Variants in CHD7 observed in about 807,000 individuals in gnomAD.
CHD7 encodes the protein ATP-dependent chromatin remodeler CHD7.
A neutral mutation model predicts 307.3 loss-of-function variants in CHD7; 24 were observed. That is an observed-to-expected ratio of 0.08 (90% confidence interval 0.06 to 0.11). The LOEUF is 0.11. Among genes scored for constraint, CHD7 ranks in the 10% least tolerant of loss-of-function variants. CHD7 has a pLI of 1.00. For synonymous variants in CHD7, 1,363 were observed against 1,349.9 expected (o/e 1.01, Z -0.21); for missense variants, 3,106 against 3,727.1 (o/e 0.83, Z 4.34).
At chr8:60,854,339 A>G in intron 31 of CHD7, 24 bp from the exon 32 acceptor site, 1 of 1,605,852 alleles carries the variant, frequency 6.2e-7, no homozygotes, top group Non-Finnish European at 8.5e-7. Flanking sequence ...GGTTGTGAGT[A>G]ATGCACATTA....
chr8:60,860,490 A>C (rs1275431595), intron 34 of CHD7, among the ~76,000 whole-genome samples: 3 of 152,220 alleles, frequency 2.0e-5, no homozygotes, highest in African/African-American at 7.2e-5. Flanking sequence ...GCTGGAGTGC[A>C]GTGGCACAGT....
At chr8:60,709,905 A>G (rs559274725) in intron 1 of CHD7, among the ~76,000 whole-genome samples, 116 of 152,322 alleles carry the variant, frequency 7.6e-4, no homozygotes, top group Non-Finnish European at 1.1e-3. Flanking sequence ...TAATTTGTAT[A>G]AATTTATGTA....
intron 2 of CHD7, among the ~76,000 whole-genome samples, chr8:60,767,751 CTCTT>C (rs897816624): frequency 2.6e-5 from 4 of 152,200 alleles, no homozygotes; most frequent in African/African-American, 9.7e-5. Flanking sequence ...TTTCTGCTTT[CTCTT>C]TCTTCTCCCC....
Position 60,866,837 on chromosome 8 carries a change from A to G in CHD7, c.*904A>G, listed in dbSNP as rs1806259308. 1 of 152,618 alleles carries G rather than the reference A, an allele frequency of 6.6e-6. No homozygotes were observed. Among genetic ancestry groups the G allele is most frequent in the Non-Finnish European group, 1.5e-5 (1 of 68,026 alleles). 9.5% of individuals were successfully genotyped at this position (152,618 alleles called of 1,614,324 possible). On this transcript the variant is annotated 3_prime_UTR_variant, in exon 38 of 38. Coordinates refer to ENST00000423902, the MANE Select transcript of CHD7 (RefSeq NM_017780.4). ...TGAAAACTGCTATCATGTAAGATAA[A>G]ATGTAAATTGCTGCCAACTGTAGTA... is the stretch of plus-strand genomic sequence containing the variant.
In CHD7 at chr8:60,781,095, G is replaced by T; in HGVS notation, c.1761G>T (p.Leu587=). 6.2e-7 allele frequency: 1 copy of T among 1,610,846 alleles called. No individual in the cohort carries two copies. The highest frequency in any genetic ancestry group is 8.5e-7 in the Non-Finnish European group (1 of 1,178,590). Residue 587 remains leucine (L), a synonymous_variant, in exon 3 of 38, where the codon CTG becomes CTT. Coordinates refer to ENST00000423902, the MANE Select transcript of CHD7 (RefSeq NM_017780.4). ...AGCTAGTGAAGAGTGATGATTACCT[G>T]CCATCAATAGAACAGCAGCCACAAC... is the stretch of plus-strand genomic sequence containing the variant. ...NAQLVKSDDY[L]PSIEQQPQQK... is the part of the protein sequence containing the mutation.
intron 1 of CHD7, among the ~76,000 whole-genome samples, chr8:60,722,851 T>A (rs558108633): frequency 1.3e-5 from 2 of 152,356 alleles, no homozygotes; most frequent in South Asian, 4.1e-4. Flanking sequence ...GAGGAATTTT[T>A]GCATAGCCTT....
Position 60,850,592 on chromosome 8 carries a change from G to T in CHD7, c.5504G>T (p.Gly1835Val). The change falls in exon 26 of 38, where the codon GGA becomes GTA. Residue 1835 changes from glycine to valine, a missense_variant. Around this residue, in one of 10 missense-constraint regions of CHD7, gnomAD observed 1,030 missense variants for 1,165.4 expected, o/e 0.88. Coordinates refer to ENST00000423902, the MANE Select transcript of CHD7 (RefSeq NM_017780.4). ...DAKAIAAEQR[G>V]TDMLADGGDG... ...AAGGCCATAGCTGCCGAGCAAAGAG[G>T]AACAGACATGCTAGCAGATGGTGGT... The T allele has an allele frequency of 6.2e-7, 1 of 1,612,992 alleles. No individual in the cohort carries two copies. The highest frequency in any genetic ancestry group is 8.5e-7 in the Non-Finnish European group (1 of 1,179,418).
In CHD7 at chr8:60,722,677, CAATG is replaced by C. The variant is rs1807969783; in HGVS notation, c.-174-18580_-174-18577del. On this transcript the variant is annotated intron_variant, in intron 1 of 37. Transcript: ENST00000423902. ...TGTTTTTTAAAACAAAAGTTGTTGACAATGAGTGAGATTCCTTCCTATTTTTATA... is the reference window on the plus strand; with the variant it reads ...TGTTTTTTAAAACAAAAGTTGTTGACAGTGAGATTCCTTCCTATTTTTATA... 2.6e-5 allele frequency among the ~76,000 whole-genome samples: 4 copies of C among 152,262 alleles called. No individual in the cohort carries two copies. The South Asian group carries it at 8.3e-4, about 32-fold the overall frequency.
chr8:60,749,874 G>A (rs184219899), intron 2 of CHD7, among the ~76,000 whole-genome samples: 3 of 152,288 alleles, frequency 2.0e-5, no homozygotes, highest in East Asian at 1.9e-4. Flanking sequence ...GGTTTCTCAC[G>A]AAGACTCTTA....
chr8:60,861,199 T>A, intron 35 of CHD7, 74 bp downstream of exon 35: 1 of 1,142,496 alleles, frequency 8.8e-7, no homozygotes, highest in Non-Finnish European at 1.2e-6. Flanking sequence ...AACATAGAAA[T>A]CCCTGACAGC....
chr8:60,791,965 C>T (rs1240615961), intron 3 of CHD7, among the ~76,000 whole-genome samples: 1 of 152,194 alleles, frequency 6.6e-6, no homozygotes, highest in Non-Finnish European at 1.5e-5. Flanking sequence ...CCAGAGAATA[C>T]TTTCCAGACT....
In CHD7 at chr8:60,858,126, C is replaced by T. The variant is rs191393064; in HGVS notation, c.7608+1238C>T. ...TAAAAATTAGCCTGGTCTGGTAGCA[C>T]GTGTCTGTGATCCCAGCTACTCAGG... On this transcript the variant is annotated intron_variant, in intron 34 of 37. Coordinates refer to ENST00000423902, the MANE Select transcript of CHD7 (RefSeq NM_017780.4). Among the ~76,000 whole-genome samples, 832 of 152,264 alleles carry T rather than the reference C, an allele frequency of 5.5e-3. 9 individuals are homozygous for T. Among genetic ancestry groups the T allele is most frequent in the African/African-American group, 0.016 (649 of 41,556 alleles).
rs1193013965 is a variant in CHD7 at position 60,862,544 on chromosome 8, C to T, written c.7972-4C>T. ...TTAATCATTTGTCAAATGCCTCTAC[C>T]CAGATGGGTGGAGCTATGGCGCCTC... On this transcript the variant is annotated splice_region_variant and splice_polypyrimidine_tract_variant and intron_variant, in intron 36 of 37. Coordinates refer to ENST00000423902, the MANE Select transcript of CHD7 (RefSeq NM_017780.4). The T allele has an allele frequency of 8.3e-6, 13 of 1,564,690 alleles. No homozygotes were observed. The highest frequency in any genetic ancestry group is 1.1e-5 in the Non-Finnish European group (13 of 1,153,658).
intron 2 of CHD7, among the ~76,000 whole-genome samples, chr8:60,780,075 A>G (rs1811136821): frequency 6.6e-6 from 1 of 152,230 alleles, no homozygotes; most frequent in Non-Finnish European, 1.5e-5. Flanking sequence ...TTGAAATATA[A>G]ATGTTCGTTA....
chr8:60,860,521 A>G (rs531658168), intron 34 of CHD7, among the ~76,000 whole-genome samples: 60 of 152,262 alleles, frequency 3.9e-4, no homozygotes, highest in African/African-American at 1.4e-3. Flanking sequence ...TGCAACCTCT[A>G]CCTCCTGATT....
chr8:60,816,188 A>G (rs1015094351), intron 7 of CHD7, among the ~76,000 whole-genome samples, 199 bp from the exon 8 acceptor site: 4 of 151,530 alleles, frequency 2.6e-5, no homozygotes, highest in Non-Finnish European at 4.4e-5. Context: ...CTTAGGACAG[A>G]AGGCAAATTT....
At position 60,741,735 on chromosome 8, in the gene CHD7, G is replaced by A. The variant is rs373868449; in HGVS notation, c.303G>A (p.Pro101=). 1.5e-4 allele frequency: 243 copies of A among 1,613,782 alleles called. No homozygotes were observed. The highest frequency in any genetic ancestry group is 4.3e-4 in the Admixed American group (26 of 59,990). The change falls in exon 2 of 38, where the codon CCG becomes CCA. Residue 101 remains proline, a synonymous_variant. Coordinates refer to ENST00000423902, the MANE Select transcript of CHD7 (RefSeq NM_017780.4). ...CCCCTGGGAACGGACTCGCGTCTCC[G>A]CACTCGCAGTATCACACCCCTCCCG... ...SNTPGNGLAS[P]HSQYHTPPVP...
intron 7 of CHD7, among the ~76,000 whole-genome samples, chr8:60,812,535 G>C (rs1179405008): frequency 1.3e-5 from 2 of 151,636 alleles, no homozygotes; most frequent in Non-Finnish European, 2.9e-5. Context: ...ATGGTGGCGG[G>C]TGCCTGTAAT....
At chr8:60,690,399 CTTGA>C (rs1789975370) in intron 1 of CHD7, among the ~76,000 whole-genome samples, 1 of 151,932 alleles carries the variant, frequency 6.6e-6, no homozygotes, top group South Asian at 2.1e-4. Context: ...TAATATTTGT[CTTGA>C]TTGTGTTAAT....
Sources: gnomAD v4.1 joint callset for allele counts (sites outside exome capture counted in the v4.1 genomes callset) on GRCh38, gnomAD v4.1.1 for gene constraint, gnomAD v4.1.1 regional missense constraint, MANE v1.5 for transcripts, NCBI Gene and HGNC (gene_info 2026-07-23, HGNC 2026-07-21) for gene names.